ADGRE5: variants seen among roughly 807,000 people sequenced by gnomAD.
The protein encoded by ADGRE5 is CD97 molecule.
ADGRE5 carries 72 observed loss-of-function variants against 100.3 expected under a neutral mutation model. The observed-to-expected ratio is 0.72, with a 90% confidence interval of 0.59 to 0.87. The LOEUF (loss-of-function observed/expected upper bound fraction) is 0.87. Ranked by LOEUF, ADGRE5 falls within the 40% of genes least tolerant of loss-of-function variation. The pLI is 0.00. For missense variants in ADGRE5, 959 were observed against 1,094.7 expected, an observed-to-expected ratio of 0.88 and a Z score of 1.75; for synonymous variants, 439 against 447.8, an observed-to-expected ratio of 0.98 and a Z score of 0.25.
intron 1 of ADGRE5, among the ~76,000 whole-genome samples, chr19:14,387,900 C>T (rs892381846): frequency 3.3e-5 from 5 of 151,406 alleles, no homozygotes; most frequent in African/African-American, 1.2e-4. Context: ...TATGGTGAAA[C>T]CCTGTCTCTA....
intron 9 of ADGRE5, 172 bp downstream of exon 9, chr19:14,398,311 C>T (rs151333245): frequency 8.1e-5 from 51 of 631,050 alleles, no homozygotes; most frequent in South Asian, 4.7e-4. Context: ...CACCCGGACA[C>T]GTGAAGACAC....
Position 14,408,118 on chromosome 19 carries a change from A to G in ADGRE5, c.2505A>G (p.Ile835Met). The G allele has an allele frequency of 6.2e-7, 1 of 1,613,026 alleles. No individual in the cohort carries two copies. Among genetic ancestry groups the G allele is most frequent in the Non-Finnish European group, 8.5e-7 (1 of 1,179,964 alleles). Residue 835 changes from isoleucine (I) to methionine (M), a missense_variant, in exon 20 of 20, where the codon ATA becomes ATG. Around this residue, in one of 6 missense-constraint regions of ADGRE5, gnomAD observed 428 missense variants for 386.2 expected, o/e 1.11. Transcript: ENST00000242786. The part of the protein sequence containing the change: ...TRALRASESG[I>M] ...CCCTCAGGGCATCAGAGTCCGGCAT[A>G]TGAAGGCGCATGGTTCTGGACGGCC...
chr19:14,406,327 G>T lies in ADGRE5; in HGVS notation c.1822-4G>T, dbSNP rs759854261. 100 of 1,553,634 alleles carry T rather than the reference G, an allele frequency of 6.4e-5. No homozygotes were observed. The highest frequency in any genetic ancestry group is 8.1e-5 in the Non-Finnish European group (93 of 1,152,158). ...CGCTCCGCCCCTCCGTCCCCGCCCC[G>T]CAGGTGGGGCTGCGCTGCCGCCTGG... On this transcript the variant is annotated splice_polypyrimidine_tract_variant and splice_region_variant and intron_variant, in intron 14 of 19. Transcript: ENST00000242786. The surrounding 1 kb of genome is among the most constrained non-coding windows in gnomAD (Gnocchi z 6.0).
At chr19:14,395,775 C>G (rs1975753909) in intron 4 of ADGRE5, among the ~76,000 whole-genome samples, 1 of 152,210 alleles carries the variant, frequency 6.6e-6, no homozygotes, top group African/African-American at 2.4e-5. Flanking sequence ...TAGCCTGTCC[C>G]ACATCATCCC....
intron 4 of ADGRE5, 84 bp downstream of exon 4, chr19:14,391,163 G>A: frequency 6.3e-7 from 1 of 1,575,582 alleles, no homozygotes; most frequent in Non-Finnish European, 8.7e-7. Flanking sequence ...CAGAGAGCAG[G>A]GCCTTGGTTG....
At chr19:14,400,043 G>A (rs934022690) in intron 9 of ADGRE5, among the ~76,000 whole-genome samples, 10 of 150,388 alleles carry the variant, frequency 6.6e-5, no homozygotes, top group African/African-American at 1.2e-4. Context: ...TTTGTGAGAC[G>A]GAGTCTCGCT....
At position 14,396,464 on chromosome 19, in the gene ADGRE5, G is replaced by A. The variant is rs760182562; in HGVS notation, c.469G>A (p.Val157Ile). 5 of 1,614,248 alleles carry A rather than the reference G, an allele frequency of 3.1e-6. No individual in the cohort carries two copies. Among genetic ancestry groups the A allele is most frequent in the East Asian group, 4.5e-5 (2 of 44,896 alleles). Reference protein sequence around the residue: ...GFKFIPEDPKVCTDVNECTSG... With the variant: ...GFKFIPEDPKICTDVNECTSG... ...CAAGTTCATACCTGAGGATCCGAAG[G>A]TCTGCACAGGTAGAGGCCCCAGGAA... is the stretch of plus-strand genomic sequence containing the variant. The change falls in exon 5 of 20, where the codon GTC becomes ATC. Residue 157 changes from valine to isoleucine, a missense_variant. Physicochemically the swap from Val to Ile is conservative, Grantham distance 29. Coordinates refer to ENST00000242786, the MANE Select transcript of ADGRE5 (RefSeq NM_078481.4).
At chr19:14,405,996 T>G in intron 14 of ADGRE5, 57 bp downstream of exon 14, 1 of 1,467,172 alleles carries the variant, frequency 6.8e-7, no homozygotes, top group Non-Finnish European at 9.2e-7. Flanking sequence ...CTGGGAGGGG[T>G]TAGCCCCGCC....
In ADGRE5 at chr19:14,408,387, C is replaced by G. The variant is rs1976376502; in HGVS notation, c.*266C>G. On this transcript the variant is annotated 3_prime_UTR_variant, in exon 20 of 20. Coordinates refer to ENST00000242786, the MANE Select transcript of ADGRE5 (RefSeq NM_078481.4). ...GGTGGGGACAGGGGCTGGCCCAGGG[C>G]TGCAATGCAGCATGTTGCCCTGGCA... 1 of 602,136 alleles carries G rather than the reference C, an allele frequency of 1.7e-6. No individual in the cohort carries two copies. Among genetic ancestry groups the G allele is most frequent in the African/African-American group, 1.9e-5 (1 of 53,972 alleles). The allele number at this position is 602,136 out of a possible 1,614,324, so 37.3% of individuals were successfully genotyped here.
At chr19:14,395,422 C>T (rs369324642) in intron 4 of ADGRE5, among the ~76,000 whole-genome samples, 11 of 152,158 alleles carry the variant, frequency 7.2e-5, no homozygotes, top group African/African-American at 2.7e-4. Flanking sequence ...CCGATCCTCT[C>T]CTGTAGTCAG....
intron 9 of ADGRE5, 54 bp downstream of exon 9, chr19:14,398,193 G>A: frequency 6.4e-7 from 1 of 1,571,998 alleles, no homozygotes; most frequent in Non-Finnish European, 8.8e-7. Context: ...GCTAGCGGAG[G>A]CTTCCATGTG....
intron 1 of ADGRE5, among the ~76,000 whole-genome samples, chr19:14,384,935 T>A (rs1417466775): frequency 1.4e-5 from 2 of 143,430 alleles, no homozygotes; most frequent in Non-Finnish European, 3.2e-5. Flanking sequence ...TCCGTCTCTG[T>A]CCCTCTATCT....
At chr19:14,402,914 A>G (rs1389084068) in intron 12 of ADGRE5, 52 bp downstream of exon 12, 1 of 1,577,264 alleles carries the variant, frequency 6.3e-7, no homozygotes, top group Non-Finnish European at 8.7e-7. Context: ...GCCTTCGCAC[A>G]TGCTGGGCCT....
intron 1 of ADGRE5, among the ~76,000 whole-genome samples, chr19:14,388,081 G>GA (rs985501713): frequency 6.6e-6 from 1 of 150,498 alleles, no homozygotes. Context: ...GTCTCAAAAA[G>GA]AAAAAAAAAT....
chr19:14,391,392 G>A (rs1011187936), intron 4 of ADGRE5: 6 of 333,692 alleles, frequency 1.8e-5, no homozygotes, highest in South Asian at 3.8e-5. Flanking sequence ...TAATTCCAGT[G>A]CTTTGGGAGG....
intron 5 of ADGRE5, 102 bp downstream of exon 5, chr19:14,396,575 T>A: frequency 2.0e-6 from 3 of 1,538,208 alleles, no homozygotes; most frequent in Non-Finnish European, 2.6e-6. Context: ...GATCCGCAGG[T>A]TCCCACAAGG....
chr19:14,407,752 G>A (rs1261672632), intron 18 of ADGRE5, among the ~76,000 whole-genome samples, 156 bp from the exon 19 acceptor site: 1 of 151,758 alleles, frequency 6.6e-6, no homozygotes, highest in African/African-American at 2.4e-5. Context: ...CTATGATGGT[G>A]CCACTACACT....
chr19:14,405,276 G>A (rs1475639028), intron 13 of ADGRE5: 1 of 154,894 alleles, frequency 6.5e-6, no homozygotes, highest in Admixed American at 6.5e-5. Flanking sequence ...CCAAGTAGCT[G>A]GGATTACAGG....
chr19:14,404,861 TG>T (rs760694322), intron 13 of ADGRE5: 137 of 336,660 alleles, frequency 4.1e-4, no homozygotes, highest in Middle Eastern at 8.0e-4. Flanking sequence ...GGGCACCACT[TG>T]CCCGTTTTTT....
Sources: gnomAD v4.1 joint callset for allele counts (sites outside exome capture counted in the v4.1 genomes callset) on GRCh38, gnomAD v4.1.1 for gene constraint, gnomAD v4.1.1 regional missense constraint, Gnocchi (gnomAD v3.1) non-coding constraint, MANE v1.5 for transcripts, NCBI Gene and HGNC (gene_info 2026-07-23, HGNC 2026-07-21) for gene names.